Variants in IFNAR2 observed in about 807,000 individuals in gnomAD.
IFNAR2 encodes the protein interferon alpha and beta receptor subunit 2, also known as interferon alpha/beta receptor 2.
In IFNAR2, 30 loss-of-function variants were observed where a neutral mutation model predicts 49.4. The observed-to-expected ratio is 0.61, with a 90% CI of 0.45 to 0.82. The LOEUF (loss-of-function observed/expected upper bound fraction) is 0.82, where lower values mean the gene tolerates loss of function less well. IFNAR2 is among the 40% of genes least tolerant of loss of function. The pLI, the probability that IFNAR2 is intolerant of heterozygous loss-of-function variation, is 0.00. For synonymous variants in IFNAR2, 224 were observed against 234.5 expected (o/e 0.96, Z 0.41); for missense variants, 600 against 622.7 (o/e 0.96, Z 0.39).
At chr21:33,239,236 C>T (rs1986724961) in intron 1 of IFNAR2, among the ~76,000 whole-genome samples, 1 of 152,168 alleles carries the variant, frequency 6.6e-6, no homozygotes, top group Non-Finnish European at 1.5e-5. Context: ...TGCCCTATGG[C>T]TTCTGGTTGT....
chr21:33,249,072 G>A (rs185259298), intron 6 of IFNAR2, among the ~76,000 whole-genome samples: 1 of 152,282 alleles, frequency 6.6e-6, no homozygotes, highest in African/African-American at 2.4e-5. Context: ...GGCTGGGCCT[G>A]GTGGCTCACG....
At chr21:33,252,908 T>C in intron 7 of IFNAR2, 78 bp downstream of exon 7, 1 of 1,183,068 alleles carries the variant, frequency 8.5e-7, no homozygotes, top group East Asian at 2.3e-5. Context: ...AAGAAAAGAA[T>C]CTGAAAAGAA....
chr21:33,250,645 C>T (rs964532592), intron 6 of IFNAR2, among the ~76,000 whole-genome samples: 1 of 152,200 alleles, frequency 6.6e-6, no homozygotes, highest in African/African-American at 2.4e-5. Context: ...TCAAGCCATT[C>T]TCCTGCCTCA....
chr21:33,262,221 C>T (rs1368591642), intron 8 of IFNAR2, among the ~76,000 whole-genome samples: 5 of 152,000 alleles, frequency 3.3e-5, no homozygotes, highest in South Asian at 4.2e-4. Context: ...AAAAATTTGC[C>T]GGGCATAGTG....
chr21:33,251,387 T>C (rs372801455), intron 6 of IFNAR2: 2 of 170,988 alleles, frequency 1.2e-5, no homozygotes, highest in South Asian at 1.9e-4. Flanking sequence ...TTGATAAAAG[T>C]AGTTTTAATA....
chr21:33,243,792 G>A (rs1038894908), intron 3 of IFNAR2, 78 bp downstream of exon 3: 1 of 1,015,522 alleles, frequency 9.8e-7, no homozygotes, highest in South Asian at 1.3e-5. Context: ...GGTATAAAAT[G>A]TGGGAGATTT....
intron 6 of IFNAR2, chr21:33,251,727 C>T (rs1987849755): frequency 3.0e-6 from 3 of 985,000 alleles, no homozygotes; most frequent in Non-Finnish European, 3.6e-6. Context: ...ATGAAAGAGC[C>T]TTCATATCAT....
At chr21:33,261,035 CTTTTTTTTTTT>C (rs368696822) in intron 8 of IFNAR2, among the ~76,000 whole-genome samples, 1 of 95,998 alleles carries the variant, frequency 1.0e-5, no homozygotes, top group African/African-American at 4.4e-5. Context: ...GTTTTCTTTC[CTTTTTTTTTTT>C]TTTTTTTTTT....
intron 8 of IFNAR2, chr21:33,262,443 C>A: frequency 1.7e-6 from 1 of 593,118 alleles, no homozygotes; most frequent in Non-Finnish European, 3.0e-6. Flanking sequence ...TATAAAGCAC[C>A]AAGAGTCATG....
chr21:33,249,869 C>T (rs1313533486), intron 6 of IFNAR2, among the ~76,000 whole-genome samples: 2 of 152,016 alleles, frequency 1.3e-5, no homozygotes, highest in Non-Finnish European at 2.9e-5. Context: ...TCAGCAACAG[C>T]GAGGAGAGGT....
intron 1 of IFNAR2, chr21:33,233,078 A>G (rs992176437): frequency 2.8e-5 from 10 of 357,498 alleles, no homozygotes; most frequent in Non-Finnish European, 3.9e-5. Flanking sequence ...AACAAACTCA[A>G]AGATGAGAAA....
In IFNAR2 at chr21:33,239,134, C is replaced by A. The variant is rs764016263; in HGVS notation, c.-83-2706C>A. On this transcript the variant is annotated intron_variant, in intron 1 of 8. Coordinates refer to ENST00000342136, the MANE Select transcript of IFNAR2 (RefSeq NM_001289125.3). ...GATGCATAGTTTCATTGCCAGGTCT[C>A]TTCTGTCTGCTTCTTCAGACCCACC... 2.3e-4 allele frequency among the ~76,000 whole-genome samples: 35 copies of A among 152,166 alleles called. 1 individual carries two copies. Among genetic ancestry groups the A allele is most frequent in the Non-Finnish European group, 5.9e-5 (4 of 68,026 alleles).
intron 5 of IFNAR2, 57 bp from the exon 6 acceptor site, chr21:33,248,652 T>C: frequency 6.6e-7 from 1 of 1,508,060 alleles, no homozygotes; most frequent in South Asian, 1.3e-5. Context: ...CTTTAGACTT[T>C]GTGGGCCACA....
Position 33,248,785 on chromosome 21 carries a change from T to TC in IFNAR2, c.471_472insC (p.Val158ArgfsTer2). 6.2e-7 allele frequency: 1 copy of TC among 1,611,402 alleles called. No individual in the cohort carries two copies. The highest frequency in any genetic ancestry group is 1.3e-5 in the African/African-American group (1 of 74,910). ...ATGTGATGGTGAAATTTCCATCTAT[T>TC]GTTGAGGAAGAATTACAGTTTGATT... is the stretch of plus-strand genomic sequence containing the variant. On this transcript the variant is annotated frameshift_variant, in exon 6 of 9. Coordinates refer to ENST00000342136, the MANE Select transcript of IFNAR2 (RefSeq NM_001289125.3). LOFTEE classifies it high-confidence loss of function.
rs1310794032 is a variant in IFNAR2 at position 33,265,458 on chromosome 21, A to G, written c.*1958A>G. ...GGGAACACCTTATTTAATCTAATGA[A>G]ATTCCATAGGAAAGAGGCCTTTTGT... On this transcript the variant is annotated 3_prime_UTR_variant, in exon 9 of 9. Transcript: ENST00000342136. 6.5e-6 allele frequency: 1 copy of G among 154,372 alleles called. No individual in the cohort carries two copies. The highest frequency in any genetic ancestry group is 1.4e-5 in the Non-Finnish European group (1 of 69,092). The allele number at this position is 154,372 out of a possible 1,614,324, so 9.6% of individuals were successfully genotyped here.
At chr21:33,248,264 T>G (rs1987583917) in intron 5 of IFNAR2, among the ~76,000 whole-genome samples, 1 of 151,484 alleles carries the variant, frequency 6.6e-6, no homozygotes, top group Non-Finnish European at 1.5e-5. Flanking sequence ...CCCAGCACTT[T>G]GGGAGGCCTA....
intron 7 of IFNAR2, among the ~76,000 whole-genome samples, chr21:33,259,551 T>C (rs923794432): frequency 2.0e-5 from 3 of 152,240 alleles, no homozygotes; most frequent in Non-Finnish European, 4.4e-5. Flanking sequence ...TTGTAGCTGT[T>C]ATATGCAAGT....
intron 1 of IFNAR2, among the ~76,000 whole-genome samples, chr21:33,235,397 C>T (rs918360653): frequency 2.6e-5 from 4 of 152,074 alleles, no homozygotes; most frequent in African/African-American, 7.2e-5. Flanking sequence ...GACAATAACT[C>T]TAGGAAAAAC....
At position 33,251,790 on chromosome 21, in the gene IFNAR2, T is replaced by C. The variant is rs551122299; in HGVS notation, c.541-872T>C. ...TACAGGAAAGAAGAGGCAAGGTGTT[T>C]AAAGGGAGATGGCTGGGCACAGTGG... On this transcript the variant is annotated intron_variant, in intron 6 of 8. Transcript: ENST00000342136. 3.1e-5 allele frequency: 31 copies of C among 984,892 alleles called. No homozygotes were observed. The African/African-American group carries it at 5.1e-4, about 16-fold the overall frequency. The allele number at this position is 984,892 out of a possible 1,614,324, so 61.0% of individuals were successfully genotyped here. A position where few individuals can be genotyped will look rare whatever the true frequency, so the allele number is the denominator to read the frequency against.
Sources: allele counts gnomAD v4.1 joint callset (sites outside exome capture counted in the v4.1 genomes callset), GRCh38; gene constraint gnomAD v4.1.1; transcripts MANE v1.5; gene names NCBI Gene and HGNC (gene_info 2026-07-23, HGNC 2026-07-21).